Variants in KANK4 observed in about 807,000 individuals in gnomAD.
The protein encoded by KANK4 is KN motif and ankyrin repeat domains 4, also known as KN motif and ankyrin repeat domain-containing protein 4.
KANK4 carries 50 observed loss-of-function variants against 80.8 expected under a neutral mutation model. The ratio of observed to expected loss-of-function variants is 0.62; its 90% CI spans 0.49 to 0.78. The LOEUF is 0.78. Ranked by LOEUF, KANK4 falls within the 30% of genes least tolerant of loss-of-function variation. KANK4 has a pLI of 0.00. For missense variants in KANK4, 1,196 were observed against 1,240.1 expected, an observed-to-expected ratio of 0.96 and a Z score of 0.53; for synonymous variants, 465 against 506.9, an observed-to-expected ratio of 0.92 and a Z score of 1.11.
chr1:62,275,922 A>G (rs1449440425), intron 2 of KANK4, among the ~76,000 whole-genome samples: 1 of 150,768 alleles, frequency 6.6e-6, no homozygotes, highest in African/African-American at 2.4e-5. Flanking sequence ...AAGGGAAGGG[A>G]AAGGAAAGGA....
rs572142669 is a variant in KANK4, at chr1:62,261,366, G to A, written c.2539+1726C>T. On this transcript the variant is annotated intron_variant, in intron 7 of 9. Coordinates refer to ENST00000371153, the MANE Select transcript of KANK4 (RefSeq NM_181712.5). ...ATAGAGAGAGGGTTTCCCCATGTTG[G>A]CCAGGCTGGTCTTGAACTTCTGACC... Among the ~76,000 whole-genome samples the A allele has an allele frequency of 2.6e-5, 4 of 151,944 alleles. No homozygotes were observed. The East Asian group carries it at 7.8e-4, about 30-fold the overall frequency.
At position 62,273,600 on chromosome 1, in the gene KANK4, C is replaced by T. The variant is rs1672222591; in HGVS notation, c.1504G>A (p.Glu502Lys). 1 of 1,614,146 alleles carries T rather than the reference C, an allele frequency of 6.2e-7. No individual in the cohort carries two copies. Among genetic ancestry groups the T allele is most frequent in the African/African-American group, 1.3e-5 (1 of 75,032 alleles). Residue 502 changes from glutamate to lysine, a missense_variant, in exon 3 of 10, where the codon GAA becomes AAA. Glu to Lys is a moderately conservative substitution (Grantham distance 56, BLOSUM62 1). Transcript: ENST00000371153. ...CCTTCCTGTTCAGTGCCTGCTTCTTCAATCCTGAGTTCAGTGGAGAGGAAG... is the reference window on the plus strand; with the variant it reads ...CCTTCCTGTTCAGTGCCTGCTTCTTTAATCCTGAGTTCAGTGGAGAGGAAG... The part of the protein sequence containing the change: ...HSFLSTELRI[E>K]EAGTEQEGGP...
rs1421155853 is a variant in KANK4, at chr1:62,236,554, T to C, written c.*1723A>G. Among the ~76,000 whole-genome samples the C allele has an allele frequency of 3.9e-5, 6 of 151,954 alleles. No individual in the cohort carries two copies. The highest frequency in any genetic ancestry group is 1.5e-4 in the African/African-American group (6 of 41,366). ...TCACAATGGCAAAAGAAGTTTGCTG[T>C]ACCATTGCTGTAGATGGCCTTAATG... On this transcript the variant is annotated 3_prime_UTR_variant, in exon 10 of 10. Transcript: ENST00000371153.
At chr1:62,315,647 C>A (rs948698697) in intron 1 of KANK4, among the ~76,000 whole-genome samples, 1 of 152,126 alleles carries the variant, frequency 6.6e-6, no homozygotes, top group Non-Finnish European at 1.5e-5. Context: ...ACATAACTTG[C>A]ACAACATCAG....
At chr1:62,303,728 T>C (rs1440149147) in intron 1 of KANK4, among the ~76,000 whole-genome samples, 1 of 152,070 alleles carries the variant, frequency 6.6e-6, no homozygotes, top group African/African-American at 2.4e-5. Flanking sequence ...AAATTTCTCT[T>C]TTTTTGGTAC....
At chr1:62,307,472 A>T (rs1303550562) in intron 1 of KANK4, among the ~76,000 whole-genome samples, 1 of 95,004 alleles carries the variant, frequency 1.1e-5, no homozygotes, top group South Asian at 3.5e-4. Flanking sequence ...ACAGAAAGAG[A>T]CTCTGCCAAA....
At chr1:62,239,977 A>G (rs569324538) in intron 9 of KANK4, among the ~76,000 whole-genome samples, 2 of 152,288 alleles carry the variant, frequency 1.3e-5, no homozygotes, top group African/African-American at 4.8e-5. Context: ...ATAAACATAC[A>G]TGTGCATGTG....
chr1:62,249,079 C>A (rs1390820522), intron 8 of KANK4, among the ~76,000 whole-genome samples: 1 of 147,690 alleles, frequency 6.8e-6, no homozygotes, highest in Non-Finnish European at 1.5e-5. Context: ...GCAGGAGAAT[C>A]ACTTGAACCC....
intron 1 of KANK4, among the ~76,000 whole-genome samples, chr1:62,309,458 C>A (rs1458434073): frequency 6.6e-6 from 1 of 152,182 alleles, no homozygotes; most frequent in African/African-American, 2.4e-5. Context: ...CTCGACACAC[C>A]AGTGAAGTAG....
chr1:62,259,114 G>A (rs1361887549), intron 7 of KANK4, among the ~76,000 whole-genome samples: 2 of 152,254 alleles, frequency 1.3e-5, no homozygotes, highest in East Asian at 3.9e-4. Flanking sequence ...GAGGCCACAG[G>A]AGGGATTTCA....
chr1:62,316,295 C>T (rs1317786501), intron 1 of KANK4, among the ~76,000 whole-genome samples: 3 of 152,188 alleles, frequency 2.0e-5, no homozygotes, highest in Non-Finnish European at 4.4e-5. Context: ...CATCTGTCTT[C>T]CTAATTGTCA....
intron 2 of KANK4, among the ~76,000 whole-genome samples, chr1:62,281,070 C>T (rs1343181072): frequency 6.6e-6 from 1 of 152,186 alleles, no homozygotes. Context: ...TTACTGATAC[C>T]CCAGATATGT....
At chr1:62,267,801 C>CAAAAAAA (rs59851783) in intron 5 of KANK4, among the ~76,000 whole-genome samples, 2 of 126,576 alleles carry the variant, frequency 1.6e-5, no homozygotes, top group Non-Finnish European at 3.4e-5. Flanking sequence ...GACTCCGTCT[C>CAAAAAAA]AAAAAAAAAA....
intron 1 of KANK4, among the ~76,000 whole-genome samples, chr1:62,283,568 G>T (rs1284308630): frequency 6.6e-6 from 1 of 152,158 alleles, no homozygotes. Context: ...CCCCTGTGAG[G>T]GGAAATGCTT....
chr1:62,306,633 C>G (rs1644453732), intron 1 of KANK4, among the ~76,000 whole-genome samples: 1 of 152,042 alleles, frequency 6.6e-6, no homozygotes, highest in Non-Finnish European at 1.5e-5. Flanking sequence ...GGCAGAGGTG[C>G]AGTGGCATGA....
rs1283468346 is a variant in KANK4, at chr1:62,273,715, T to C, written c.1389A>G (p.Gln463=). The C allele has an allele frequency of 6.2e-7, 1 of 1,614,014 alleles. No individual in the cohort carries two copies. Residue 463 remains glutamine, a synonymous_variant, in exon 3 of 10, where the codon CAA becomes CAG. Transcript: ENST00000371153. The part of the protein sequence containing the change: ...GLLWGPDGHK[Q]GNQSPAERVL... ...CACGTTCTGCTGGGCTCTGATTCCC[T>C]TGTTTATGACCATCTGGCCCCCATA...
At chr1:62,281,915 G>A (rs1383850770) in intron 1 of KANK4, among the ~76,000 whole-genome samples, 1 of 152,140 alleles carries the variant, frequency 6.6e-6, no homozygotes, top group African/African-American at 2.4e-5. Context: ...AGGCTGAGGA[G>A]TTAATTGCTC....
At position 62,274,437 on chromosome 1, in the gene KANK4, G is replaced by A. The variant is rs755623893; in HGVS notation, c.667C>T (p.Arg223Trp). Reference sequence around the variant, plus strand: ...CCCTCCTGGACCAGCTCTGGAATCCGAGTTGATGCTCGTGGGCTGGAGCTG... The same window carrying A: ...CCCTCCTGGACCAGCTCTGGAATCCAAGTTGATGCTCGTGGGCTGGAGCTG... ...FHSSSPRAST[R>W]IPELVQEGAE... is the part of the protein sequence containing the mutation. Residue 223 changes from arginine to tryptophan, a missense_variant, in exon 3 of 10, where the codon CGG becomes TGG. Physicochemically the swap from Arg to Trp is moderately radical, Grantham distance 101 (BLOSUM62 -3). Coordinates refer to ENST00000371153, the MANE Select transcript of KANK4 (RefSeq NM_181712.5). 3.1e-6 allele frequency: 5 copies of A among 1,614,060 alleles called. No homozygotes were observed. The highest frequency in any genetic ancestry group is 4.5e-5 in the East Asian group (2 of 44,878).
chr1:62,273,477 G>A lies in KANK4; in HGVS notation c.1627C>T (p.Pro543Ser). The A allele has an allele frequency of 6.2e-7, 1 of 1,613,974 alleles. No homozygotes were observed. Among genetic ancestry groups the A allele is most frequent in the Non-Finnish European group, 8.5e-7 (1 of 1,179,940 alleles). ...AGREETSSNL[P>S]GKEHPGRPPS... Reference sequence around the variant, plus strand: ...GGCCTTCCCGGGTGCTCCTTCCCTGGGAGATTGGAACTGGTCTCCTCCCTC... The same window carrying A: ...GGCCTTCCCGGGTGCTCCTTCCCTGAGAGATTGGAACTGGTCTCCTCCCTC... The change falls in exon 3 of 10, where the codon CCA (proline) becomes TCA (serine). Residue 543 changes from proline to serine, a missense_variant. Coordinates refer to ENST00000371153, the MANE Select transcript of KANK4 (RefSeq NM_181712.5).
Sources: gnomAD v4.1 joint callset for allele counts (sites outside exome capture counted in the v4.1 genomes callset) on GRCh38, gnomAD v4.1.1 for gene constraint, MANE v1.5 for transcripts, NCBI Gene and HGNC (gene_info 2026-07-23, HGNC 2026-07-21) for gene names.